Variants in MTOR observed in about 807,000 individuals in gnomAD.
The protein encoded by MTOR is mechanistic target of rapamycin kinase, also known as serine/threonine-protein kinase mTOR.
MTOR carries 70 observed loss-of-function variants against 319.8 expected under a neutral mutation model. The observed-to-expected ratio is 0.22, with a 90% CI of 0.18 to 0.27. The LOEUF is 0.27. MTOR is among the 10% of genes least tolerant of loss of function. The probability of loss-of-function intolerance (pLI) is 1.00; values close to 1 mark genes in which losing one functional copy is unlikely to be tolerated. For missense variants in MTOR, 1,890 were observed against 3,274.4 expected (o/e 0.58, Z 10.32); for synonymous variants, 1,183 against 1,211.4 (o/e 0.98, Z 0.49).
At chr1:11,154,353 A>G (rs1332264658) in intron 30 of MTOR, among the ~76,000 whole-genome samples, 3 of 151,824 alleles carry the variant, frequency 2.0e-5, no homozygotes, top group Non-Finnish European at 4.4e-5. Flanking sequence ...CAGCCTCCCA[A>G]AGTTTTGGGA....
intron 26 of MTOR, among the ~76,000 whole-genome samples, chr1:11,200,081 G>A (rs1211464058): frequency 6.6e-6 from 1 of 152,170 alleles, no homozygotes; most frequent in African/African-American, 2.4e-5. Flanking sequence ...ATATTTCTTG[G>A]CAGTTTTTGC....
At chr1:11,184,955 G>A (rs1005440662) in intron 28 of MTOR, among the ~76,000 whole-genome samples, 2 of 152,118 alleles carry the variant, frequency 1.3e-5, no homozygotes, top group African/African-American at 4.8e-5. Flanking sequence ...TGACTCTTAG[G>A]CCACACTCGA....
intron 20 of MTOR, among the ~76,000 whole-genome samples, chr1:11,215,397 T>A (rs1391748035): frequency 6.6e-6 from 1 of 152,128 alleles, no homozygotes; most frequent in Non-Finnish European, 1.5e-5. Context: ...GCTGGGAAGT[T>A]CCATTTGAAA....
rs1031980569 is a variant in MTOR, at chr1:11,157,177, G to A, written c.4444C>T (p.Arg1482Cys). 3 of 1,611,436 alleles carry A rather than the reference G, an allele frequency of 1.9e-6. No individual in the cohort carries two copies. The highest frequency in any genetic ancestry group is 2.5e-6 in the Non-Finnish European group (3 of 1,178,732). The change falls in exon 30 of 58, where the codon CGC becomes TGC. Residue 1482 changes from arginine to cysteine, a missense_variant. Coordinates refer to ENST00000361445, the MANE Select transcript of MTOR (RefSeq NM_004958.4). ...DDPELMLGRM[R>C]CLEALGEWGQ... is the part of the protein sequence containing the mutation. ...CATTCCCCCAAGGCCTCGAGGCAGC[G>A]CATGCGGCCCAGCATCAGCTCTGGG...
At chr1:11,166,493 A>T (rs1376905197) in intron 29 of MTOR, among the ~76,000 whole-genome samples, 1 of 152,266 alleles carries the variant, frequency 6.6e-6, no homozygotes, top group Non-Finnish European at 1.5e-5. Context: ...GACACATGAA[A>T]AAATGCTCAT....
At chr1:11,188,834 G>C (rs1645407280) in intron 28 of MTOR, among the ~76,000 whole-genome samples, 1 of 152,196 alleles carries the variant, frequency 6.6e-6, no homozygotes, top group African/African-American at 2.4e-5. Flanking sequence ...GATCCAGGTT[G>C]AGTAAGGATT....
intron 6 of MTOR, among the ~76,000 whole-genome samples, chr1:11,249,875 C>A (rs1470173962): frequency 2.0e-5 from 3 of 151,366 alleles, no homozygotes; most frequent in Non-Finnish European, 4.4e-5. Flanking sequence ...ACCTTTGCCC[C>A]CTTTCTATTC....
In MTOR at chr1:11,127,944, A is replaced by C. The variant is rs2100411623; in HGVS notation, c.6033+60T>G. ...CAATGCGAGGAAGAAAAACAATCCCACTTGCGCCCACCAGCTAAGGGACCA... is the reference window on the plus strand; with the variant it reads ...CAATGCGAGGAAGAAAAACAATCCCCCTTGCGCCCACCAGCTAAGGGACCA... On this transcript the variant is annotated intron_variant, in intron 43 of 57. Coordinates refer to ENST00000361445, the MANE Select transcript of MTOR (RefSeq NM_004958.4). This position sits in a 1 kb window ranked among gnomAD's most constrained non-coding sequence, Gnocchi z 5.5. 1 of 1,604,796 alleles carries C rather than the reference A, an allele frequency of 6.2e-7. No homozygotes were observed. The highest frequency in any genetic ancestry group is 1.3e-5 in the African/African-American group (1 of 74,732).
chr1:11,228,664 T>C lies in MTOR; in HGVS notation c.3030+4A>G, dbSNP rs755567675. 1.2e-6 allele frequency: 2 copies of C among 1,613,270 alleles called. No individual in the cohort carries two copies. The highest frequency in any genetic ancestry group is 1.7e-6 in the Non-Finnish European group (2 of 1,179,626). ...AGAGAAGGATTGGGGTTTGAGGTAC[T>C]TACTTCCCGGATGGCCCCATCACAG... is the stretch of plus-strand genomic sequence containing the variant. On this transcript the variant is annotated splice_donor_region_variant and intron_variant, in intron 19 of 57. Coordinates refer to ENST00000361445, the MANE Select transcript of MTOR (RefSeq NM_004958.4).
rs200635961 is a variant in MTOR at position 11,193,761 on chromosome 1, G to A, written c.4253+5497C>T. ...CTCTCCAGACAGCCAACCCGGCTGC[G>A]TGTAGAGATGGAGGTAAGCACAAGG... On this transcript the variant is annotated intron_variant, in intron 28 of 57. Coordinates refer to ENST00000361445, the MANE Select transcript of MTOR (RefSeq NM_004958.4). 6.9e-5 allele frequency: 111 copies of A among 1,614,006 alleles called. No homozygotes were observed. The highest frequency in any genetic ancestry group is 9.2e-5 in the Non-Finnish European group (108 of 1,180,018).
chr1:11,182,148 C>T (rs1415516332), intron 28 of MTOR, among the ~76,000 whole-genome samples: 1 of 151,034 alleles, frequency 6.6e-6, no homozygotes, highest in Non-Finnish European at 1.5e-5. Flanking sequence ...ACCTGGGAGG[C>T]GGAGGTTGCA....
intron 30 of MTOR, among the ~76,000 whole-genome samples, chr1:11,156,765 G>C (rs141830980): frequency 3.5e-4 from 53 of 152,274 alleles, no homozygotes; most frequent in African/African-American, 1.3e-3. Context: ...TGAAGCACCT[G>C]AAGAGGGCAG....
intron 28 of MTOR, among the ~76,000 whole-genome samples, chr1:11,179,742 C>G (rs1227817015): frequency 6.6e-6 from 1 of 152,024 alleles, no homozygotes; most frequent in Non-Finnish European, 1.5e-5. Flanking sequence ...TGGGCTGAAT[C>G]TAAAAGTGCA....
chr1:11,163,217 A>C (rs1244374313), intron 29 of MTOR, among the ~76,000 whole-genome samples: 1 of 152,254 alleles, frequency 6.6e-6, no homozygotes, highest in Non-Finnish European at 1.5e-5. Flanking sequence ...AAAGGGATCA[A>C]TTCAACAAGA....
In MTOR at chr1:11,129,074, G is replaced by GT; in HGVS notation, c.5715-124dup. On this transcript the variant is annotated intron_variant, in intron 40 of 57. Transcript: ENST00000361445. This position sits in a 1 kb window ranked among gnomAD's most constrained non-coding sequence, Gnocchi z 4.7. ...ACTCCAACCAGTAACTCTCAAATGT[G>GT]TTTGGCCTCCCATGGGAGCAGGTGT... The GT allele has an allele frequency of 1.3e-6, 1 of 760,028 alleles. No homozygotes were observed. Among genetic ancestry groups the GT allele is most frequent in the Non-Finnish European group, 2.2e-6 (1 of 454,778 alleles). 47.1% of individuals were successfully genotyped at this position (760,028 alleles called of 1,614,324 possible). A position where few individuals can be genotyped will look rare whatever the true frequency, so the allele number is the denominator to read the frequency against.
intron 28 of MTOR, among the ~76,000 whole-genome samples, chr1:11,170,680 CT>C (rs774656512): frequency 9.0e-4 from 128 of 142,722 alleles, no homozygotes; most frequent in African/African-American, 2.2e-3. Context: ...CTATCCTTTT[CT>C]TTTTTTTTTT....
intron 26 of MTOR, among the ~76,000 whole-genome samples, chr1:11,202,551 A>G (rs1646011281): frequency 6.6e-6 from 1 of 151,938 alleles, no homozygotes; most frequent in Admixed American, 6.6e-5. Context: ...AAAAGCCCAG[A>G]CTTCACCACT....
intron 11 of MTOR, among the ~76,000 whole-genome samples, chr1:11,238,921 C>A (rs1287089067): frequency 1.4e-5 from 2 of 142,252 alleles, no homozygotes; most frequent in Non-Finnish European, 3.1e-5. Context: ...TACCACCACG[C>A]CTGGCTAATT....
chr1:11,180,374 CAT>C (rs1350062122), intron 28 of MTOR, among the ~76,000 whole-genome samples: 1 of 152,210 alleles, frequency 6.6e-6, no homozygotes, highest in Non-Finnish European at 1.5e-5. Context: ...ACCCTGGAAA[CAT>C]GTGTTTAGAA....
Sources: allele counts gnomAD v4.1 joint callset (sites outside exome capture counted in the v4.1 genomes callset), GRCh38; gene constraint gnomAD v4.1.1; non-coding constraint Gnocchi (gnomAD v3.1); transcripts MANE v1.5; gene names NCBI Gene and HGNC (gene_info 2026-07-23, HGNC 2026-07-21).